Variants in ADAMTS18 observed in about 807,000 individuals in gnomAD.
ADAMTS18 encodes ADAM metallopeptidase with thrombospondin type 1 motif 18.
In ADAMTS18, 157 loss-of-function variants were observed where a neutral mutation model predicts 165.9. The ratio of observed to expected loss-of-function variants is 0.95; its 90% CI spans 0.83 to 1.08. The LOEUF is 1.08. ADAMTS18 is among the 50% of genes least tolerant of loss of function. ADAMTS18 has a pLI of 0.00. For synonymous variants in ADAMTS18, 782 were observed against 578.2 expected (o/e 1.35, Z -5.06); for missense variants, 2,040 against 1,534.0 (o/e 1.33, Z -5.51).
At position 77,390,167 on chromosome 16, in the gene ADAMTS18, G is replaced by A. The variant is rs537423660; in HGVS notation, c.496-22444C>T. 2.0e-5 allele frequency among the ~76,000 whole-genome samples: 3 copies of A among 152,234 alleles called. No homozygotes were observed. The East Asian group carries it at 5.8e-4, about 29-fold the overall frequency. ...AAAACTGAGACCAAGAAATCAATCA[G>A]AAGCTATTGCCTGGGTTTCTGCAAG... On this transcript the variant is annotated intron_variant, in intron 3 of 22. Coordinates refer to ENST00000282849, the MANE Select transcript of ADAMTS18 (RefSeq NM_199355.4).
At chr16:77,379,608 C>A (rs1047052919) in intron 3 of ADAMTS18, among the ~76,000 whole-genome samples, 1 of 152,206 alleles carries the variant, frequency 6.6e-6, no homozygotes. Context: ...CCCACCTCAG[C>A]CTCCTGAGTA....
intron 2 of ADAMTS18, chr16:77,431,826 C>G (rs760714230): frequency 1.5e-5 from 9 of 593,418 alleles, no homozygotes; most frequent in Non-Finnish European, 2.4e-5. Flanking sequence ...TGCCCGAAAG[C>G]CAAGCACAAT....
At chr16:77,421,840 CA>C (rs892881864) in intron 3 of ADAMTS18, among the ~76,000 whole-genome samples, 2 of 151,604 alleles carry the variant, frequency 1.3e-5, no homozygotes, top group Non-Finnish European at 1.5e-5. Flanking sequence ...AGCAGCATCA[CA>C]AAAAAATCCT....
At chr16:77,396,818 A>AT (rs1257325668) in intron 3 of ADAMTS18, among the ~76,000 whole-genome samples, 2 of 125,864 alleles carry the variant, frequency 1.6e-5, no homozygotes, top group African/African-American at 5.7e-5. Flanking sequence ...TTTTTTTTTA[A>AT]TTTTTTGAGA....
intron 3 of ADAMTS18, among the ~76,000 whole-genome samples, chr16:77,375,512 G>C (rs537440658): frequency 2.0e-5 from 3 of 152,188 alleles, no homozygotes; most frequent in Admixed American, 2.0e-4. Flanking sequence ...GGCATTTCTT[G>C]TGAGACCGGA....
rs2144735801 is a variant in ADAMTS18 at position 77,363,865 on chromosome 16, A to G, written c.993T>C (p.Asp331=). 1 of 1,614,038 alleles carries G rather than the reference A, an allele frequency of 6.2e-7. No homozygotes were observed. Among genetic ancestry groups the G allele is most frequent in the Non-Finnish European group, 8.5e-7 (1 of 1,179,978 alleles). Residue 331 remains aspartate, a synonymous_variant, in exon 6 of 23, where the codon GAT becomes GAC. Coordinates refer to ENST00000282849, the MANE Select transcript of ADAMTS18 (RefSeq NM_199355.4). ...CGTTTATGTCACTTCCAATAGTCCCATCTTTAAATAGGCCAGAAACCTGTT... is the reference window on the plus strand; with the variant it reads ...CGTTTATGTCACTTCCAATAGTCCCGTCTTTAAATAGGCCAGAAACCTGTT... ...VMNMVSGLFK[D]GTIGSDINVV...
chr16:77,383,557 T>G (rs754611396), intron 3 of ADAMTS18, among the ~76,000 whole-genome samples: 1 of 152,028 alleles, frequency 6.6e-6, no homozygotes, highest in Non-Finnish European at 1.5e-5. Flanking sequence ...TTGTTGTTGT[T>G]GTTGGAGACA....
At chr16:77,348,044 T>C (rs1386947442) in intron 10 of ADAMTS18, among the ~76,000 whole-genome samples, 1 of 152,132 alleles carries the variant, frequency 6.6e-6, no homozygotes, top group Non-Finnish European at 1.5e-5. Context: ...AAGAGTATCT[T>C]ACCCTCAATT....
chr16:77,341,927 G>C, intron 10 of ADAMTS18, 128 bp from the exon 11 acceptor site: 1 of 754,224 alleles, frequency 1.3e-6, no homozygotes, highest in Non-Finnish European at 2.2e-6. Flanking sequence ...AGAAAGTAGA[G>C]GCCAGTGAAG....
At chr16:77,333,656 A>G (rs1200868076) in intron 12 of ADAMTS18, among the ~76,000 whole-genome samples, 2 of 151,672 alleles carry the variant, frequency 1.3e-5, no homozygotes, top group Non-Finnish European at 2.9e-5. Flanking sequence ...TGTTCAATTC[A>G]GCATTATTCA....
chr16:77,345,529 G>A (rs751237388), intron 10 of ADAMTS18, among the ~76,000 whole-genome samples: 3 of 152,136 alleles, frequency 2.0e-5, no homozygotes, highest in Non-Finnish European at 2.9e-5. Context: ...GGAGCTCACT[G>A]CCAGATCCTC....
intron 15 of ADAMTS18, among the ~76,000 whole-genome samples, chr16:77,320,636 C>A (rs1042246085): frequency 1.8e-4 from 1 of 5,476 alleles, no homozygotes; most frequent in Non-Finnish European, 1.6e-3. Context: ...AAGACTCTGT[C>A]TCAAAAAAAA....
At chr16:77,289,199 A>T in intron 22 of ADAMTS18, 65 bp downstream of exon 22, 1 of 1,595,214 alleles carries the variant, frequency 6.3e-7, no homozygotes, top group Non-Finnish European at 8.6e-7. Context: ...CACTACTAAC[A>T]AAGTAGCCTT....
intron 3 of ADAMTS18, among the ~76,000 whole-genome samples, chr16:77,415,252 G>C (rs1228695203): frequency 6.6e-6 from 1 of 152,194 alleles, no homozygotes; most frequent in Non-Finnish European, 1.5e-5. Context: ...TCCTCTATGA[G>C]ACTAGGAGCT....
At chr16:77,400,010 G>A (rs2057305168) in intron 3 of ADAMTS18, among the ~76,000 whole-genome samples, 1 of 152,148 alleles carries the variant, frequency 6.6e-6, no homozygotes, top group South Asian at 2.1e-4. Flanking sequence ...AGGCTTTCAA[G>A]GATCAAGAAC....
Position 77,335,854 on chromosome 16 carries a change from G to A in ADAMTS18, c.1761C>T (p.Pro587=). 1.9e-6 allele frequency: 3 copies of A among 1,614,164 alleles called. No homozygotes were observed. The highest frequency in any genetic ancestry group is 2.5e-6 in the Non-Finnish European group (3 of 1,180,020). Residue 587 remains proline (P), a synonymous_variant, in exon 12 of 23, where the codon CCC becomes CCT. Coordinates refer to ENST00000282849, the MANE Select transcript of ADAMTS18 (RefSeq NM_199355.4). ...CVKFGELGPR[P]IHGQWSAWSK... is the part of the protein sequence containing the mutation. Reference sequence around the variant, plus strand: ...ACCAGGCGGACCACTGGCCGTGGATGGGCCGGGGCCCGAGCTCCCCAAACT... The same window carrying A: ...ACCAGGCGGACCACTGGCCGTGGATAGGCCGGGGCCCGAGCTCCCCAAACT...
chr16:77,365,354 T>C (rs2056778097), intron 4 of ADAMTS18, among the ~76,000 whole-genome samples: 2 of 152,214 alleles, frequency 1.3e-5, no homozygotes, highest in Non-Finnish European at 2.9e-5. Context: ...TATACCACTT[T>C]ATACATTATT....
At chr16:77,392,572 AC>A (rs1159750032) in intron 3 of ADAMTS18, among the ~76,000 whole-genome samples, 1 of 151,348 alleles carries the variant, frequency 6.6e-6, no homozygotes, top group Non-Finnish European at 1.5e-5. Context: ...ATTACACTTT[AC>A]CCCCAACAGA....
intron 3 of ADAMTS18, among the ~76,000 whole-genome samples, chr16:77,427,677 C>T (rs1324144100): frequency 6.6e-6 from 1 of 152,202 alleles, no homozygotes; most frequent in Non-Finnish European, 1.5e-5. Context: ...CTAAACATAA[C>T]AGTAGGCAGT....
Sources: allele counts gnomAD v4.1 joint callset (sites outside exome capture counted in the v4.1 genomes callset), GRCh38; gene constraint gnomAD v4.1.1; transcripts MANE v1.5; gene names NCBI Gene and HGNC (gene_info 2026-07-23, HGNC 2026-07-21).